The following TRAPPC11 variants were observed in gnomAD, a reference collection of about 807,000 sequenced individuals.
The protein encoded by TRAPPC11 is trafficking protein particle complex subunit 11.
A neutral mutation model predicts 151.2 loss-of-function variants in TRAPPC11; 104 were observed. The observed-to-expected ratio is 0.69, with a 90% CI of 0.59 to 0.81. The LOEUF (loss-of-function observed/expected upper bound fraction) is 0.81, where lower values mean the gene tolerates loss of function less well. Among genes scored for constraint, TRAPPC11 ranks in the 30% least tolerant of loss-of-function variants. TRAPPC11 has a pLI of 0.00. For synonymous variants in TRAPPC11, 456 were observed against 472.3 expected, an observed-to-expected ratio of 0.97 and a Z score of 0.45; for missense variants, 1,230 against 1,349.6, an observed-to-expected ratio of 0.91 and a Z score of 1.39.
At chr4:183,675,665 ATCT>A (rs1735373894) in intron 7 of TRAPPC11, 1 of 152,658 alleles carries the variant, frequency 6.6e-6, no homozygotes, top group South Asian at 2.1e-4. Context: ...AGCCACGCTA[ATCT>A]TCTCCGTGTT....
At chr4:183,686,278 A>G (rs1298855704) in intron 17 of TRAPPC11, among the ~76,000 whole-genome samples, 1 of 151,832 alleles carries the variant, frequency 6.6e-6, no homozygotes, top group Non-Finnish European at 1.5e-5. Context: ...CTGGGATTAT[A>G]GGTGCACACC....
At chr4:183,707,575 A>G (rs550871293) in intron 28 of TRAPPC11, among the ~76,000 whole-genome samples, 1 of 152,312 alleles carries the variant, frequency 6.6e-6, no homozygotes, top group Admixed American at 6.5e-5. Flanking sequence ...AAGTCAGGAA[A>G]TACTTTTTAA....
At position 183,680,038 on chromosome 4, in the gene TRAPPC11, TAA is replaced by T. The variant is rs953288317; in HGVS notation, c.966-81_966-80del. 9.1e-5 allele frequency: 113 copies of T among 1,242,198 alleles called. No individual in the cohort carries two copies. The Middle Eastern group carries it at 1.0e-3, about 11-fold the overall frequency. The allele number at this position is 1,242,198 out of a possible 1,614,324, so 76.9% of individuals were successfully genotyped here. ...CCATTTTAACACAGTCTGCTGAGGT[TAA>T]GTTTCCCAGGATGAATTACCAGAAA... On this transcript the variant is annotated intron_variant, in intron 9 of 29. Coordinates refer to ENST00000334690, the MANE Select transcript of TRAPPC11 (RefSeq NM_021942.6).
Position 183,666,378 on chromosome 4 carries a change from A to G in TRAPPC11, c.326A>G (p.Gln109Arg). 2 of 1,614,122 alleles carry G rather than the reference A, an allele frequency of 1.2e-6. No individual in the cohort carries two copies. The highest frequency in any genetic ancestry group is 1.7e-6 in the Non-Finnish European group (2 of 1,179,962). ...VFYELDWDEPQWKEKQSECAT... is the reference protein window; with the variant it reads ...VFYELDWDEPRWKEKQSECAT... The stretch of plus-strand genomic sequence containing the variant: ...TATGAACTGGACTGGGATGAGCCTC[A>G]GTGGAAAGAAAAGCAGTCTGAGTGC... Residue 109 changes from glutamine (Q) to arginine (R), a missense_variant, in exon 3 of 30, where the codon CAG (glutamine) becomes CGG (arginine). Transcript: ENST00000334690.
chr4:183,672,144 A>G (rs1454478775), intron 5 of TRAPPC11, among the ~76,000 whole-genome samples: 1 of 152,230 alleles, frequency 6.6e-6, no homozygotes, highest in Non-Finnish European at 1.5e-5. Context: ...TATAGTTTGT[A>G]AGTCTTACAG....
Position 183,663,886 on chromosome 4 carries a change from G to T in TRAPPC11, c.19G>T (p.Asp7Tyr). 1.9e-6 allele frequency: 3 copies of T among 1,614,010 alleles called. No individual in the cohort carries two copies. Among genetic ancestry groups the T allele is most frequent in the South Asian group, 1.1e-5 (1 of 91,088 alleles). Residue 7 changes from aspartate to tyrosine, a missense_variant, in exon 2 of 30, where the codon GAC becomes TAC. Asp to Tyr is a radical substitution (Grantham distance 160, BLOSUM62 -3). Transcript: ENST00000334690. ...CGTAAACATGAGCCCCACACAGTGGGACTTCCCTGTGGAATTATGTTGCCG... is the reference window on the plus strand; with the variant it reads ...CGTAAACATGAGCCCCACACAGTGGTACTTCCCTGTGGAATTATGTTGCCG... MSPTQW[D>Y]FPVELCCRPM...
In TRAPPC11 at chr4:183,693,075, C is replaced by CT. The variant is rs1554009901; in HGVS notation, c.2168dup (p.Lys724GlnfsTer5). 4 of 1,613,260 alleles carry CT rather than the reference C, an allele frequency of 2.5e-6. No individual in the cohort carries two copies. The highest frequency in any genetic ancestry group is 2.5e-6 in the Non-Finnish European group (3 of 1,179,536). On this transcript the variant is annotated frameshift_variant, in exon 20 of 30. Coordinates refer to ENST00000334690, the MANE Select transcript of TRAPPC11 (RefSeq NM_021942.6). LOFTEE classifies it high-confidence loss of function. ...CAAGAAGCCTTACAGGCAGCTCGGT[C>CT]TTTCAAAAGGCGACCTAAGCTACCT...
At chr4:183,687,882 C>G (rs1736068552) in intron 18 of TRAPPC11, among the ~76,000 whole-genome samples, 2 of 152,148 alleles carry the variant, frequency 1.3e-5, no homozygotes, top group Non-Finnish European at 2.9e-5. Context: ...TCTTGAATAA[C>G]CTAGACATTT....
chr4:183,661,474 C>T (rs1233197578), intron 1 of TRAPPC11, among the ~76,000 whole-genome samples: 1 of 149,506 alleles, frequency 6.7e-6, no homozygotes, highest in Non-Finnish European at 1.5e-5. Flanking sequence ...CGGGTTCACG[C>T]CATTCTCCTG....
Position 183,685,277 on chromosome 4 carries a change from A to T in TRAPPC11, c.1636A>T (p.Ser546Cys). Residue 546 changes from serine to cysteine, a missense_variant, in exon 17 of 30, where the codon AGT (serine) becomes TGT (cysteine). Transcript: ENST00000334690. ...TAACTCTGTGTTGATGCAGAATGAA[A>T]GTCCTGATCCAGAACCCGACTGTGA... ...KNLINVLMNE[S>C]PDPEPDCDIL... 6.2e-7 allele frequency: 1 copy of T among 1,613,476 alleles called. No individual in the cohort carries two copies. The highest frequency in any genetic ancestry group is 8.5e-7 in the Non-Finnish European group (1 of 1,179,416).
intron 23 of TRAPPC11, among the ~76,000 whole-genome samples, chr4:183,696,754 G>A (rs1374441940): frequency 6.6e-6 from 1 of 152,200 alleles, no homozygotes; most frequent in Non-Finnish European, 1.5e-5. Flanking sequence ...GGTTAAGAGT[G>A]TAGGCTCCAT....
intron 22 of TRAPPC11, 139 bp from the exon 23 acceptor site, chr4:183,694,465 G>A: frequency 1.1e-6 from 1 of 874,298 alleles, no homozygotes; most frequent in Non-Finnish European, 1.8e-6. Flanking sequence ...GAGTTACATT[G>A]TAACATTCTG....
intron 29 of TRAPPC11, 107 bp from the exon 30 acceptor site, chr4:183,712,493 C>G (rs1410666922): frequency 1.8e-6 from 2 of 1,099,876 alleles, no homozygotes; most frequent in Non-Finnish European, 2.8e-6. Context: ...CTCATTTATT[C>G]TGTTTTTGTA....
intron 10 of TRAPPC11, among the ~76,000 whole-genome samples, chr4:183,680,929 G>A (rs930455914): frequency 1.3e-5 from 2 of 151,836 alleles, no homozygotes; most frequent in African/African-American, 2.4e-5. Context: ...CTGATCTCAG[G>A]TGATCTGCCC....
At chr4:183,705,229 T>A (rs1244203390) in intron 27 of TRAPPC11, among the ~76,000 whole-genome samples, 159 bp downstream of exon 27, 1 of 152,150 alleles carries the variant, frequency 6.6e-6, no homozygotes, top group Non-Finnish European at 1.5e-5. Flanking sequence ...TTCTACACAC[T>A]CCTCCTACCC....
At chr4:183,698,953 TCA>T (rs1331948467) in intron 25 of TRAPPC11, among the ~76,000 whole-genome samples, 1 of 152,196 alleles carries the variant, frequency 6.6e-6, no homozygotes, top group Admixed American at 6.5e-5. Flanking sequence ...ATCTCCATCC[TCA>T]GTGCCATCCT....
Position 183,697,766 on chromosome 4 carries a change from GTTT to G in TRAPPC11, c.2783_2785del (p.Val928_Ser929delinsAla). 6.2e-7 allele frequency: 1 copy of G among 1,614,012 alleles called. No homozygotes were observed. Among genetic ancestry groups the G allele is most frequent in the South Asian group, 1.1e-5 (1 of 91,080 alleles). On this transcript the variant is annotated inframe_deletion, in exon 25 of 30. Transcript: ENST00000334690. ...TGCCTCACCCTGGGCCCTCACTATTGTTTCCAGTGAGCTCCAGCTTGCTCCATC... is the reference window on the plus strand; with the variant it reads ...TGCCTCACCCTGGGCCCTCACTATTGCCAGTGAGCTCCAGCTTGCTCCATC...
In TRAPPC11 at chr4:183,696,380, G is replaced by T. The variant is rs149567559; in HGVS notation, c.2629-1123G>T. Among the ~76,000 whole-genome samples, 1,258 of 151,940 alleles carry T rather than the reference G, an allele frequency of 8.3e-3. 18 individuals carry two copies. The highest frequency in any genetic ancestry group is 0.011 in the Non-Finnish European group (733 of 67,912). On this transcript the variant is annotated intron_variant, in intron 23 of 29. Coordinates refer to ENST00000334690, the MANE Select transcript of TRAPPC11 (RefSeq NM_021942.6). ...TTTTGAAAGATGAAATAACCCCATGGTTTTTTTTCTTCTTTCTTTTATTTT... is the reference window on the plus strand; with the variant it reads ...TTTTGAAAGATGAAATAACCCCATGTTTTTTTTTCTTCTTTCTTTTATTTT...
chr4:183,666,509 C>CTACT (rs2111302137), intron 3 of TRAPPC11, 83 bp downstream of exon 3: 4 of 1,389,778 alleles, frequency 2.9e-6, no homozygotes, highest in Admixed American at 2.1e-5. Context: ...AATGGAGTAC[C>CTACT]GTTCAGACTG....
Sources: gnomAD v4.1 joint callset for allele counts (sites outside exome capture counted in the v4.1 genomes callset) on GRCh38, gnomAD v4.1.1 for gene constraint, MANE v1.5 for transcripts, NCBI Gene and HGNC (gene_info 2026-07-23, HGNC 2026-07-21) for gene names.